Variants in SLC49A3 observed in about 807,000 individuals in gnomAD.
SLC49A3 encodes solute carrier family 49 member 3.
A neutral mutation model predicts 43.8 loss-of-function variants in SLC49A3; 50 were observed. That is an observed-to-expected ratio of 1.14 (90% CI 0.91 to 1.45). The LOEUF (loss-of-function observed/expected upper bound fraction) is 1.45, where lower values mean the gene tolerates loss of function less well. Ranked by LOEUF, SLC49A3 falls within the 40% of genes most tolerant of loss-of-function variation. SLC49A3 has a pLI of 0.00. For missense variants in SLC49A3, 906 were observed against 774.1 expected, an observed-to-expected ratio of 1.17 and a Z score of -2.02; for synonymous variants, 413 against 352.0, an observed-to-expected ratio of 1.17 and a Z score of -1.94.
At chr4:678,958 G>A (rs746798244), downstream of SLC49A3, 1 of 1,613,780 alleles carries the variant, frequency 6.2e-7, no homozygotes, top group South Asian at 1.1e-5. Flanking sequence ...TGGTCCCCAG[G>A]CATTCACACT....
chr4:682,092 G>T lies in SLC49A3; in HGVS notation c.1546C>A (p.Pro516Thr). The change falls in exon 10 of 10, where the codon CCC (proline) becomes ACC (threonine). Residue 516 changes from proline (P) to threonine (T), a missense_variant. Pro to Thr is a conservative substitution (Grantham distance 38, BLOSUM62 -1). Transcript: ENST00000322224. Reference protein sequence around the residue: ...SPHPACHRATPRAQGPAATDA... With the variant: ...SPHPACHRATTRAQGPAATDA... ...GTGGCTGCTGGGCCTTGCGCACGGGGAGTCGCTCGGTGGCAGGCTGGGTGG... is the reference window on the plus strand; with the variant it reads ...GTGGCTGCTGGGCCTTGCGCACGGGTAGTCGCTCGGTGGCAGGCTGGGTGG... The T allele has an allele frequency of 7.2e-7, 1 of 1,390,294 alleles. No homozygotes were observed. Among genetic ancestry groups the T allele is most frequent in the Non-Finnish European group, 9.4e-7 (1 of 1,061,240 alleles). The allele number at this position is 1,390,294 out of a possible 1,614,324, so 86.1% of individuals were successfully genotyped here.
chr4:684,382 C>A (rs993417997), intron 6 of SLC49A3, 101 bp downstream of exon 6: 2 of 1,516,392 alleles, frequency 1.3e-6, no homozygotes. Context: ...ATGTGGCCCC[C>A]GCCAGGGTCG....
intron 8 of SLC49A3, 138 bp downstream of exon 8, chr4:683,072 T>C (rs1175931054): frequency 7.7e-5 from 96 of 1,253,564 alleles, no homozygotes; most frequent in Non-Finnish European, 9.2e-5. Context: ...GCTCAGAACC[T>C]GCTCGGCCCT....
rs1741098293 is a variant in SLC49A3, at chr4:686,640, G to A, written c.186C>T (p.Val62=). ...GCCAGTTGATCTGCTCCATGGACAG[G>A]ACCAAGTCCTCAGCAATGACGTCAG... is the stretch of plus-strand genomic sequence containing the variant. The part of the protein sequence containing the change: ...PVADVIAEDL[V]LSMEQINWLS... Residue 62 remains valine, a synonymous_variant, in exon 2 of 10, where the codon GTC becomes GTT. Transcript: ENST00000322224. The A allele has an allele frequency of 6.2e-7, 1 of 1,613,190 alleles. No homozygotes were observed.
At chr4:679,076 G>A (rs368763375), downstream of SLC49A3, 9 of 1,558,648 alleles carry the variant, frequency 5.8e-6, no homozygotes, top group East Asian at 2.2e-5. Flanking sequence ...TGGAGGAGGC[G>A]AACACAGAGG....
At chr4:689,365 C>T (rs1396645944), upstream of SLC49A3, 2 of 307,814 alleles carry the variant, frequency 6.5e-6, no homozygotes, top group African/African-American at 4.4e-5. Context: ...CCTTCGGCCT[C>T]AGGCTGGAAG....
chr4:683,088 G>A, intron 8 of SLC49A3, 122 bp downstream of exon 8: 1 of 1,357,120 alleles, frequency 7.4e-7, no homozygotes, highest in African/African-American at 1.4e-5. Context: ...GCCCTTGCCA[G>A]AGCAGGCAGG....
intron 1 of SLC49A3, among the ~76,000 whole-genome samples, chr4:688,207 G>A (rs1173316595): frequency 6.6e-6 from 1 of 152,152 alleles, no homozygotes; most frequent in Non-Finnish European, 1.5e-5. Flanking sequence ...CAGCATTGTG[G>A]GCAGCAGGCA....
chr4:677,975 T>C, downstream of SLC49A3: 3 of 1,613,122 alleles, frequency 1.9e-6, no homozygotes, highest in East Asian at 2.2e-5. Context: ...GAGCTTAAGA[T>C]GGGCAAGACC....
intron 8 of SLC49A3, 59 bp from the exon 9 acceptor site, chr4:682,949 C>T (rs1740107370): frequency 7.1e-7 from 1 of 1,412,230 alleles, no homozygotes; most frequent in Non-Finnish European, 9.6e-7. Context: ...AGCCAGGTGC[C>T]ACCTTGGGAA....
At chr4:679,943 G>C, downstream of SLC49A3, 7 of 1,613,826 alleles carry the variant, frequency 4.3e-6, no homozygotes, top group Non-Finnish European at 5.9e-6. Flanking sequence ...CGACGAGCTG[G>C]ACGCCATGCT....
At chr4:679,108 G>A (rs566520102), downstream of SLC49A3, 52 of 1,265,340 alleles carry the variant, frequency 4.1e-5, no homozygotes, top group Admixed American at 3.5e-4. Flanking sequence ...CAGACGCCGC[G>A]GCCCCTCCTC....
chr4:681,654 AGCGCCGCCCCGCCCCCTCC>A (rs1739610042), downstream of SLC49A3, among the ~76,000 whole-genome samples: 1 of 1,404 alleles, frequency 7.1e-4, no homozygotes, highest in South Asian at 0.025. Flanking sequence ...CGCCCCCTCC[AGCGCCGCCCCGCCCCCTCC>A]AGCGCCGCCC....
At chr4:691,466 G>A (rs1008229237), upstream of SLC49A3, among the ~76,000 whole-genome samples, 15 of 150,720 alleles carry the variant, frequency 1.0e-4, no homozygotes, top group South Asian at 3.1e-3. Flanking sequence ...GGTGGTGCAT[G>A]CCTGTAATCC....
chr4:688,664 G>T (rs1047015724), intron 1 of SLC49A3, among the ~76,000 whole-genome samples: 1 of 152,114 alleles, frequency 6.6e-6, no homozygotes, highest in Non-Finnish European at 1.5e-5. Flanking sequence ...GCTGGGAGGC[G>T]TGGAAGGAGA....
At chr4:676,902 G>A (rs1738894386), downstream of SLC49A3, 1 of 985,242 alleles carries the variant, frequency 1.0e-6, no homozygotes. Flanking sequence ...GCTTCATAGA[G>A]GCCGCTGGAC....
At chr4:678,199 T>C, downstream of SLC49A3, 1 of 1,520,038 alleles carries the variant, frequency 6.6e-7, no homozygotes, top group East Asian at 2.5e-5. Flanking sequence ...TATGTGCGTG[T>C]GTGTGACCTT....
chr4:681,228 G>A (rs1478831415), downstream of SLC49A3: 56 of 1,483,356 alleles, frequency 3.8e-5, no homozygotes, highest in Non-Finnish European at 4.9e-5. Context: ...GGAGCCCGAG[G>A]AGCAGCGCCG....
At chr4:682,960 A>G (rs2109396455) in intron 8 of SLC49A3, 70 bp from the exon 9 acceptor site, 5 of 1,354,616 alleles carry the variant, frequency 3.7e-6, no homozygotes, top group Non-Finnish European at 5.0e-6. Context: ...ACCTTGGGAA[A>G]TGTTGACATC....
Sources: gnomAD v4.1 joint callset for allele counts (sites outside exome capture counted in the v4.1 genomes callset) on GRCh38, gnomAD v4.1.1 for gene constraint, MANE v1.5 for transcripts, NCBI Gene and HGNC (gene_info 2026-07-23, HGNC 2026-07-21) for gene names.